The following ODAD2 variants were observed in gnomAD, a reference collection of about 807,000 sequenced individuals.
ODAD2 encodes the protein outer dynein arm-docking complex subunit 2.
A neutral mutation model predicts 106.8 loss-of-function variants in ODAD2; 89 were observed. That is an observed-to-expected ratio of 0.83 (90% CI 0.70 to 0.99). The LOEUF is 0.99. Among genes scored for constraint, ODAD2 ranks in the 50% least tolerant of loss-of-function variants. The pLI is 0.00. For synonymous variants in ODAD2, 404 were observed against 436.2 expected (o/e 0.93, Z 0.92); for missense variants, 1,168 against 1,238.5 (o/e 0.94, Z 0.85).
chr10:27,941,075 A>G (rs1656758918), intron 12 of ODAD2, among the ~76,000 whole-genome samples: 1 of 152,142 alleles, frequency 6.6e-6, no homozygotes, highest in Admixed American at 6.5e-5. Context: ...TGGCTCTAAT[A>G]TTTACATCAA....
At chr10:27,963,043 T>C (rs1197469244) in intron 9 of ODAD2, among the ~76,000 whole-genome samples, 1 of 151,928 alleles carries the variant, frequency 6.6e-6, no homozygotes, top group African/African-American at 2.4e-5. Flanking sequence ...GATCTCGCTC[T>C]GTCACCCAGG....
intron 19 of ODAD2, among the ~76,000 whole-genome samples, chr10:27,848,829 A>T (rs529666810): frequency 6.6e-6 from 1 of 152,364 alleles, no homozygotes; most frequent in South Asian, 2.1e-4. Flanking sequence ...CATCAGAGAA[A>T]TGCAAATCAA....
chr10:27,855,852 T>C (rs1371277566), intron 19 of ODAD2, among the ~76,000 whole-genome samples: 1 of 152,174 alleles, frequency 6.6e-6, no homozygotes, highest in East Asian at 1.9e-4. Context: ...CTCTTCAATT[T>C]CCTGCCTTTC....
intron 10 of ODAD2, among the ~76,000 whole-genome samples, chr10:27,953,046 T>C (rs1847473204): frequency 2.0e-5 from 3 of 152,210 alleles, no homozygotes. Flanking sequence ...GTATACAATT[T>C]GATGAGTTTG....
intron 13 of ODAD2, 37 bp from the exon 14 acceptor site, chr10:27,940,044 C>T (rs756813598): frequency 4.1e-5 from 58 of 1,401,076 alleles, no homozygotes; most frequent in Non-Finnish European, 5.0e-5. Context: ...GTGTTCAAGA[C>T]GTGAATATAA....
rs1363987764 is a variant in ODAD2 at position 27,938,381 on chromosome 10, C to T, written c.2098-1501G>A. Reference sequence around the variant, plus strand: ...GACACTGGCATACACTAAGGAAAGACGGTGGGAGGACACAGGGAAAAGGCA... The same window carrying T: ...GACACTGGCATACACTAAGGAAAGATGGTGGGAGGACACAGGGAAAAGGCA... On this transcript the variant is annotated intron_variant, in intron 14 of 19. Transcript: ENST00000305242. 5.9e-5 allele frequency among the ~76,000 whole-genome samples: 9 copies of T among 152,026 alleles called. 1 individual carries two copies. The highest frequency in any genetic ancestry group is 3.9e-4 in the East Asian group (2 of 5,188).
At chr10:27,918,643 C>A (rs1039716187) in intron 16 of ODAD2, among the ~76,000 whole-genome samples, 2 of 151,816 alleles carry the variant, frequency 1.3e-5, no homozygotes, top group Non-Finnish European at 2.9e-5. Context: ...AGGTACAGAA[C>A]ATATATGTTT....
chr10:27,868,152 A>C (rs1288451471), intron 17 of ODAD2, among the ~76,000 whole-genome samples: 1 of 152,238 alleles, frequency 6.6e-6, no homozygotes, highest in Non-Finnish European at 1.5e-5. Context: ...GCCAGTGAGA[A>C]TGACGATCAT....
intron 19 of ODAD2, among the ~76,000 whole-genome samples, chr10:27,828,385 T>TATTC: frequency 6.6e-6 from 1 of 152,174 alleles, no homozygotes; most frequent in Admixed American, 6.5e-5. Flanking sequence ...GTGTCAGAAC[T>TATTC]TCCAGCTTCT....
At chr10:27,887,878 T>C (rs748254755) in intron 17 of ODAD2, among the ~76,000 whole-genome samples, 8 of 151,962 alleles carry the variant, frequency 5.3e-5, no homozygotes, top group Non-Finnish European at 1.2e-4. Flanking sequence ...AAATTAGAAA[T>C]AGAAAAGATT....
chr10:27,933,059 T>C (rs1378958432), intron 16 of ODAD2, among the ~76,000 whole-genome samples: 1 of 152,118 alleles, frequency 6.6e-6, no homozygotes, highest in Non-Finnish European at 1.5e-5. Context: ...AGTTCAAGAC[T>C]AACTTGGGCA....
At chr10:27,993,268 T>G (rs540036881) in intron 2 of ODAD2, among the ~76,000 whole-genome samples, 27 of 152,274 alleles carry the variant, frequency 1.8e-4, no homozygotes, top group African/African-American at 6.3e-4. Flanking sequence ...ATTTCAAAGC[T>G]TAGGAAAAAA....
intron 19 of ODAD2, among the ~76,000 whole-genome samples, chr10:27,848,162 C>T (rs1838935766): frequency 6.6e-6 from 1 of 152,220 alleles, no homozygotes; most frequent in Non-Finnish European, 1.5e-5. Context: ...CACTACCTGA[C>T]TTTAAACTAT....
chr10:27,869,083 T>C (rs1249827902), intron 17 of ODAD2, among the ~76,000 whole-genome samples: 4 of 151,916 alleles, frequency 2.6e-5, no homozygotes, highest in Non-Finnish European at 5.9e-5. Context: ...AAAGCAACTT[T>C]TTAAAAGACA....
In ODAD2 at chr10:27,824,859, G is replaced by A. The variant is rs184597266; in HGVS notation, c.3022-12234C>T. Among the ~76,000 whole-genome samples the A allele has an allele frequency of 1.3e-3, 195 of 152,324 alleles. 3 individuals are homozygous for A. Among genetic ancestry groups the A allele is most frequent in the Admixed American group, 0.013 (195 of 15,304 alleles). The stretch of plus-strand genomic sequence containing the variant: ...TAGATTTCTTGGGGAAAGGTTGTAT[G>A]TATAAAATAGTCAAACAGTGGAACA... On this transcript the variant is annotated intron_variant, in intron 19 of 19. Transcript: ENST00000305242.
At chr10:27,901,295 T>C (rs1319124769) in intron 17 of ODAD2, among the ~76,000 whole-genome samples, 1 of 152,092 alleles carries the variant, frequency 6.6e-6, no homozygotes, top group Admixed American at 6.6e-5. Flanking sequence ...GACTGCCTTA[T>C]GAGAGCTCCT....
In ODAD2 at chr10:27,848,942, A is replaced by C. The variant is rs570749370; in HGVS notation, c.3021+11683T>G. On this transcript the variant is annotated intron_variant, in intron 19 of 19. Transcript: ENST00000305242. ...GATGTGGAGAAATAGGAACACTTTTACACTGTTAGTGGGACTGTAAACTAG... is the reference window on the plus strand; with the variant it reads ...GATGTGGAGAAATAGGAACACTTTTCCACTGTTAGTGGGACTGTAAACTAG... Among the ~76,000 whole-genome samples, 7 of 152,368 alleles carry C rather than the reference A, an allele frequency of 4.6e-5. No homozygotes were observed. The South Asian group carries it at 1.4e-3, about 32-fold the overall frequency.
chr10:27,819,420 CT>C (rs1213181082), intron 19 of ODAD2, among the ~76,000 whole-genome samples: 1 of 152,058 alleles, frequency 6.6e-6, no homozygotes, highest in Non-Finnish European at 1.5e-5. Flanking sequence ...CATGATTGTA[CT>C]CTCTATCTTC....
chr10:27,925,181 G>T (rs1845171321), intron 16 of ODAD2, among the ~76,000 whole-genome samples: 1 of 151,992 alleles, frequency 6.6e-6, no homozygotes, highest in Non-Finnish European at 1.5e-5. Flanking sequence ...AGTACACTAT[G>T]ACTAAGTGAG....
Sources: gnomAD v4.1 joint callset for allele counts (sites outside exome capture counted in the v4.1 genomes callset) on GRCh38, gnomAD v4.1.1 for gene constraint, MANE v1.5 for transcripts, NCBI Gene and HGNC (gene_info 2026-07-23, HGNC 2026-07-21) for gene names.